Variants in MDGA2 observed in about 807,000 individuals in gnomAD.
MDGA2 encodes the protein MAM domain-containing glycosylphosphatidylinositol anchor protein 2.
MDGA2 carries 40 observed loss-of-function variants against 117.8 expected under a neutral mutation model. The ratio of observed to expected loss-of-function variants is 0.34; its 90% confidence interval spans 0.26 to 0.44. The LOEUF is 0.44. Among genes scored for constraint, MDGA2 ranks in the 20% least tolerant of loss-of-function variants. MDGA2 has a pLI of 1.00. For missense variants in MDGA2, 1,123 were observed against 1,250.6 expected (o/e 0.90, Z 1.54); for synonymous variants, 452 against 439.0 (o/e 1.03, Z -0.37).
At chr14:47,594,506 C>T (rs1896499211) in intron 1 of MDGA2, among the ~76,000 whole-genome samples, 1 of 152,132 alleles carries the variant, frequency 6.6e-6, no homozygotes, top group Non-Finnish European at 1.5e-5. Context: ...AATTAATAGA[C>T]ACATTAAGTT....
intron 1 of MDGA2, among the ~76,000 whole-genome samples, chr14:47,311,990 A>T (rs1008862102): frequency 1.3e-5 from 2 of 152,164 alleles, no homozygotes; most frequent in Admixed American, 6.6e-5. Flanking sequence ...GATAAAAAAG[A>T]TACTCTTATT....
chr14:46,854,395 G>C lies in MDGA2; in HGVS notation c.2883+629C>G, dbSNP rs1881181411. 2.6e-5 allele frequency among the ~76,000 whole-genome samples: 4 copies of C among 151,442 alleles called. No individual in the cohort carries two copies. The East Asian group carries it at 5.8e-4, about 22-fold the overall frequency. ...TTATACACATTAAAATCATTAAACA[G>C]TATATTAACTCCACTGAAATAGCTT... On this transcript the variant is annotated intron_variant, in intron 15 of 16. Coordinates refer to ENST00000399232, the MANE Select transcript of MDGA2 (RefSeq NM_001113498.3).
chr14:47,581,214 G>C (rs948884417), intron 1 of MDGA2, among the ~76,000 whole-genome samples: 37 of 151,832 alleles, frequency 2.4e-4, no homozygotes, highest in Admixed American at 1.5e-3. Context: ...TTACTGACTT[G>C]AGAAAAGTAG....
At chr14:46,948,184 T>A (rs1330849681) in intron 9 of MDGA2, among the ~76,000 whole-genome samples, 1 of 152,106 alleles carries the variant, frequency 6.6e-6, no homozygotes, top group Non-Finnish European at 1.5e-5. Context: ...TGAAATTTTA[T>A]GTATTTAAAA....
intron 1 of MDGA2, among the ~76,000 whole-genome samples, chr14:47,494,281 T>C (rs1020479424): frequency 6.6e-6 from 1 of 152,188 alleles, no homozygotes; most frequent in Admixed American, 6.6e-5. Flanking sequence ...GAAATTGAGT[T>C]TTATAGAAAT....
chr14:47,018,762 AGT>A (rs1462087259), intron 8 of MDGA2, among the ~76,000 whole-genome samples: 18 of 133,962 alleles, frequency 1.3e-4, no homozygotes, highest in South Asian at 2.4e-4. Context: ...AAAAAAAAAA[AGT>A]CTCCATTGAG....
chr14:47,455,643 GTA>G (rs1442666257), intron 1 of MDGA2, among the ~76,000 whole-genome samples: 13 of 152,156 alleles, frequency 8.5e-5, no homozygotes, highest in African/African-American at 2.9e-4. Context: ...AGTAGTAACA[GTA>G]GTTTTGTTTG....
At position 47,470,114 on chromosome 14, in the gene MDGA2, A is replaced by AT. The variant is rs202160795; in HGVS notation, c.281-168565dup. Among the ~76,000 whole-genome samples, 75 of 95,316 alleles carry AT rather than the reference A, an allele frequency of 7.9e-4. No homozygotes were observed. In the East Asian group the frequency reaches 0.012, roughly 16 times the overall value. The allele number at this position is 95,316 out of a possible 152,430, so 62.5% of individuals were successfully genotyped here. A position where few individuals can be genotyped will look rare whatever the true frequency, so the allele number is the denominator to read the frequency against. ...TTTTCATCTTTTTATTTATTTATTTATTTTTATTTTTTTTTTGATGCTTTC... is the reference window on the plus strand; with the variant it reads ...TTTTCATCTTTTTATTTATTTATTTATTTTTTATTTTTTTTTTGATGCTTTC... On this transcript the variant is annotated intron_variant, in intron 1 of 16. Coordinates refer to ENST00000399232, the MANE Select transcript of MDGA2 (RefSeq NM_001113498.3).
intron 1 of MDGA2, among the ~76,000 whole-genome samples, chr14:47,611,769 T>A (rs1193670484): frequency 6.6e-6 from 1 of 152,144 alleles, no homozygotes; most frequent in Non-Finnish European, 1.5e-5. Flanking sequence ...GAAAGCCACA[T>A]GCCAAACAAA....
At chr14:47,487,463 A>G (rs1894084355) in intron 1 of MDGA2, among the ~76,000 whole-genome samples, 1 of 152,248 alleles carries the variant, frequency 6.6e-6, no homozygotes, top group Non-Finnish European at 1.5e-5. Context: ...GTATGAGTTG[A>G]ATGAAATAAA....
At chr14:46,911,593 T>C (rs533486790) in intron 10 of MDGA2, among the ~76,000 whole-genome samples, 1 of 152,298 alleles carries the variant, frequency 6.6e-6, no homozygotes, top group South Asian at 2.1e-4. Context: ...TCATTTATCA[T>C]TAAAATTATA....
In MDGA2 at chr14:47,101,079, A is replaced by T. The variant is rs557303304; in HGVS notation, c.926-3956T>A. On this transcript the variant is annotated intron_variant, in intron 5 of 16. Coordinates refer to ENST00000399232, the MANE Select transcript of MDGA2 (RefSeq NM_001113498.3). ...GATACTTGATGAATGGAGGGACGAT[A>T]GATAGATAGATAGATAGATAGATAG... Among the ~76,000 whole-genome samples, 10 of 76,962 alleles carry T rather than the reference A, an allele frequency of 1.3e-4. No homozygotes were observed. The South Asian group carries it at 3.4e-3, about 27-fold the overall frequency. The allele number at this position is 76,962 out of a possible 152,430, so 50.5% of individuals were successfully genotyped here.
intron 1 of MDGA2, among the ~76,000 whole-genome samples, chr14:47,320,960 A>G (rs923637912): frequency 2.6e-5 from 4 of 152,186 alleles, no homozygotes; most frequent in African/African-American, 9.6e-5. Context: ...GATTATGGGT[A>G]AAGAAGACAT....
intron 1 of MDGA2, among the ~76,000 whole-genome samples, chr14:47,365,917 CTCTT>C (rs745717233): frequency 4.6e-5 from 7 of 152,204 alleles, no homozygotes; most frequent in Non-Finnish European, 7.3e-5. Context: ...ATACTTCTAA[CTCTT>C]TCGTCATTTT....
At chr14:47,412,611 T>G (rs1311671512) in intron 1 of MDGA2, among the ~76,000 whole-genome samples, 2 of 152,220 alleles carry the variant, frequency 1.3e-5, no homozygotes, top group Non-Finnish European at 2.9e-5. Flanking sequence ...AAAATACTTT[T>G]GAAATGTTGT....
intron 1 of MDGA2, among the ~76,000 whole-genome samples, chr14:47,505,952 T>G (rs989769521): frequency 6.6e-6 from 1 of 152,058 alleles, no homozygotes; most frequent in South Asian, 2.1e-4. Context: ...CACAGTGAAG[T>G]AGGAGAAAAT....
intron 1 of MDGA2, among the ~76,000 whole-genome samples, chr14:47,321,586 GA>G (rs1889980586): frequency 6.6e-6 from 1 of 151,954 alleles, no homozygotes; most frequent in African/African-American, 2.4e-5. Context: ...GATTTAGTAG[GA>G]ACTATTAAAG....
intron 8 of MDGA2, among the ~76,000 whole-genome samples, chr14:46,973,375 T>C (rs1427037494): frequency 6.6e-6 from 1 of 152,126 alleles, no homozygotes; most frequent in African/African-American, 2.4e-5. Flanking sequence ...ATAAAGGAAG[T>C]AGTGCATCAA....
intron 1 of MDGA2, among the ~76,000 whole-genome samples, chr14:47,663,020 A>G (rs986966611): frequency 1.3e-5 from 2 of 152,250 alleles, no homozygotes; most frequent in Non-Finnish European, 2.9e-5. Context: ...AGTGTGAAAC[A>G]TGAACCAAAT....
Sources: gnomAD v4.1 joint callset for allele counts (sites outside exome capture counted in the v4.1 genomes callset) on GRCh38, gnomAD v4.1.1 for gene constraint, MANE v1.5 for transcripts, NCBI Gene and HGNC (gene_info 2026-07-23, HGNC 2026-07-21) for gene names.